The following MYLK variants were observed in gnomAD, a reference collection of about 807,000 sequenced individuals.
MYLK encodes myosin light chain kinase, smooth muscle.
Under a neutral mutation model 203.4 loss-of-function variants are expected in MYLK, and 106 were observed. The ratio of observed to expected loss-of-function variants is 0.52; its 90% confidence interval spans 0.45 to 0.61. MYLK has a LOEUF of 0.61. MYLK is among the 20% of genes least tolerant of loss of function. MYLK has a pLI of 0.00. For missense variants in MYLK, 2,072 were observed against 2,442.3 expected (o/e 0.85, Z 3.20); for synonymous variants, 867 against 959.5 (o/e 0.90, Z 1.78).
intron 2 of MYLK, among the ~76,000 whole-genome samples, 189 bp from the exon 3 acceptor site, chr3:123,831,859 T>C (rs1383172835): frequency 1.3e-5 from 2 of 152,026 alleles, no homozygotes; most frequent in East Asian, 1.9e-4. Flanking sequence ...TCAGGAACAA[T>C]AGTTACAAGG....
chr3:123,773,975 C>G (rs1313354428), intron 4 of MYLK, among the ~76,000 whole-genome samples: 1 of 152,218 alleles, frequency 6.6e-6, no homozygotes, highest in Non-Finnish European at 1.5e-5. Flanking sequence ...TGGGCAGAGC[C>G]ACTGCCTGTC....
chr3:123,664,424 T>C (rs1322057417), intron 22 of MYLK, among the ~76,000 whole-genome samples, 166 bp from the exon 23 acceptor site: 2 of 150,254 alleles, frequency 1.3e-5, no homozygotes, highest in African/African-American at 2.4e-5. Context: ...CCTTCTCTCC[T>C]ACATCCAGAG....
intron 21 of MYLK, 199 bp downstream of exon 21, chr3:123,666,938 G>T: frequency 1.6e-6 from 1 of 622,966 alleles, no homozygotes; most frequent in Non-Finnish European, 2.9e-6. Flanking sequence ...TGTGGAAGGG[G>T]ACCAGGAGCC....
At chr3:123,797,721 A>G (rs1212879297) in intron 3 of MYLK, among the ~76,000 whole-genome samples, 1 of 152,222 alleles carries the variant, frequency 6.6e-6, no homozygotes, top group Non-Finnish European at 1.5e-5. Flanking sequence ...TCTTGGCTTC[A>G]GTCTCTTTCT....
At position 123,613,222 on chromosome 3, in the gene MYLK, A is replaced by G. The variant is rs2057294068; in HGVS notation, c.*883T>C. ...AATAGATAATTAAGACTAACTTTTC[A>G]GCAAACTGATTTCTCCTATATTCAA... On this transcript the variant is annotated 3_prime_UTR_variant, in exon 34 of 34. Transcript: ENST00000360304. The G allele has an allele frequency of 6.6e-6, 1 of 152,254 alleles. No individual in the cohort carries two copies. Among genetic ancestry groups the G allele is most frequent in the African/African-American group, 2.4e-5 (1 of 41,464 alleles). 9.4% of individuals were successfully genotyped at this position (152,254 alleles called of 1,614,324 possible). A position where few individuals can be genotyped will look rare whatever the true frequency, so the allele number is the denominator to read the frequency against.
At position 123,707,943 on chromosome 3, in the gene MYLK, A is replaced by T. The variant is rs1295332937; in HGVS notation, c.2201T>A (p.Leu734Gln). The T allele has an allele frequency of 1.2e-6, 2 of 1,614,164 alleles. No individual in the cohort carries two copies. The highest frequency in any genetic ancestry group is 4.5e-5 in the East Asian group (2 of 44,874). Residue 734 changes from leucine to glutamine, a missense_variant, in exon 16 of 34, where the codon CTG (leucine) becomes CAG (glutamine). Leu to Gln is a moderately radical substitution (Grantham distance 113). This residue lies in a region of MYLK where 865 missense variants were observed against 1,016.0 expected (regional missense o/e 0.85). Transcript: ENST00000360304. ...GCAGGAGATGAGGACACTCTGGCCCAGGGAGGCTGTCACTGAGCGAGGCTT... is the reference window on the plus strand; with the variant it reads ...GCAGGAGATGAGGACACTCTGGCCCTGGGAGGCTGTCACTGAGCGAGGCTT... ...ISKPRSVTAS[L>Q]GQSVLISCAI... is the part of the protein sequence containing the mutation.
intron 4 of MYLK, among the ~76,000 whole-genome samples, chr3:123,790,744 A>G (rs2064747148): frequency 6.6e-6 from 1 of 152,216 alleles, no homozygotes; most frequent in South Asian, 2.1e-4. Context: ...AGTAGGAAAT[A>G]AATCTTTAGA....
intron 11 of MYLK, 22 bp from the exon 12 acceptor site, chr3:123,726,100 C>G (rs2062272791): frequency 6.2e-7 from 1 of 1,613,740 alleles, no homozygotes; most frequent in Non-Finnish European, 8.5e-7. Context: ...AAGGACAGGT[C>G]AGCTCAGATC....
Position 123,884,298 on chromosome 3 carries a change from G to A in MYLK, c.-278C>T, listed in dbSNP as rs2033722212. ...ACAGCGCGGGCTCCGAGCTCGCTCA[G>A]CGCCCTGCTGCCGACCGGGCGGCGC... On this transcript the variant is annotated 5_prime_UTR_variant, in exon 1 of 34. Transcript: ENST00000360304. 6.8e-6 allele frequency: 1 copy of A among 147,142 alleles called. No individual in the cohort carries two copies. The highest frequency in any genetic ancestry group is 1.5e-5 in the Non-Finnish European group (1 of 66,184). 9.1% of individuals were successfully genotyped at this position (147,142 alleles called of 1,614,324 possible).
intron 20 of MYLK, among the ~76,000 whole-genome samples, chr3:123,680,804 G>C (rs752400535): frequency 6.6e-6 from 1 of 152,152 alleles, no homozygotes; most frequent in Non-Finnish European, 1.5e-5. Flanking sequence ...CTATCAGTAC[G>C]GGCAATTAGG....
rs986881905 is a variant in MYLK, at chr3:123,849,971, C to T, written c.-126-18301G>A. ...AAGTGTTCTCATTGTTCAATTCCCA[C>T]CTATGAGCGAGAATATGCGGTGTTT... On this transcript the variant is annotated intron_variant, in intron 2 of 33. Transcript: ENST00000360304. 7.9e-5 allele frequency among the ~76,000 whole-genome samples: 12 copies of T among 152,176 alleles called. No individual in the cohort carries two copies. The South Asian group carries it at 1.4e-3, about 18-fold the overall frequency.
chr3:123,882,863 T>C (rs1394198814), intron 1 of MYLK, among the ~76,000 whole-genome samples: 2 of 152,064 alleles, frequency 1.3e-5, no homozygotes, highest in African/African-American at 4.8e-5. Context: ...TCCTCCACAG[T>C]CCCACAGTGT....
chr3:123,719,083 A>AGG (rs1167554715), intron 13 of MYLK, among the ~76,000 whole-genome samples: 1 of 152,190 alleles, frequency 6.6e-6, no homozygotes, highest in Non-Finnish European at 1.5e-5. Flanking sequence ...GAAAGCATGA[A>AGG]GGGCTGGCTG....
chr3:123,763,440 A>C (rs954750006), intron 4 of MYLK, among the ~76,000 whole-genome samples: 2 of 152,246 alleles, frequency 1.3e-5, no homozygotes, highest in Non-Finnish European at 2.9e-5. Context: ...TACCATTCCA[A>C]TAGTTTTCTA....
chr3:123,820,672 T>C (rs1021360577), intron 3 of MYLK, among the ~76,000 whole-genome samples: 1 of 136,290 alleles, frequency 7.3e-6, no homozygotes, highest in African/African-American at 2.6e-5. Flanking sequence ...CCCTCCTTCC[T>C]TCCTTCCTTC....
chr3:123,722,877 C>T (rs1282125622), intron 12 of MYLK, among the ~76,000 whole-genome samples: 1 of 151,798 alleles, frequency 6.6e-6, no homozygotes, highest in Non-Finnish European at 1.5e-5. Context: ...TTAGGGTTCA[C>T]AGAAAAGATA....
chr3:123,701,056 G>T, intron 17 of MYLK, 51 bp from the exon 18 acceptor site: 12 of 1,356,992 alleles, frequency 8.8e-6, no homozygotes, highest in Non-Finnish European at 1.2e-5. Context: ...AAGGGGCTGG[G>T]TAAGAAAGAA....
chr3:123,686,211 G>T (rs2060449248), intron 19 of MYLK, among the ~76,000 whole-genome samples: 3 of 152,138 alleles, frequency 2.0e-5, no homozygotes, highest in Non-Finnish European at 2.9e-5. Flanking sequence ...GGCCCCCAAG[G>T]CTGAAGTCCT....
Position 123,634,704 on chromosome 3 carries a change from G to C in MYLK, c.4961+3367C>G, listed in dbSNP as rs185644457. ...GAGAAGGCATTGTGGAGTAGGGTGA[G>C]GGAAGGGCTCGGAGAAGAGCTGTTG... On this transcript the variant is annotated intron_variant, in intron 29 of 33. Coordinates refer to ENST00000360304, the MANE Select transcript of MYLK (RefSeq NM_053025.4). Among the ~76,000 whole-genome samples the C allele has an allele frequency of 2.6e-3, 389 of 152,346 alleles. 7 individuals are homozygous for C. The highest frequency in any genetic ancestry group is 0.018 in the Admixed American group (269 of 15,306).
Sources: gnomAD v4.1 joint callset for allele counts (sites outside exome capture counted in the v4.1 genomes callset) on GRCh38, gnomAD v4.1.1 for gene constraint, gnomAD v4.1.1 regional missense constraint, MANE v1.5 for transcripts, NCBI Gene and HGNC (gene_info 2026-07-23, HGNC 2026-07-21) for gene names.